Variants in RAPGEF4 observed in about 807,000 individuals in gnomAD.
RAPGEF4 encodes the protein Rap guanine nucleotide exchange factor 4.
In RAPGEF4, 66 loss-of-function variants were observed where a neutral mutation model predicts 147.9. That is an observed-to-expected ratio of 0.45 (90% confidence interval 0.37 to 0.55). RAPGEF4 has a LOEUF of 0.55. Ranked by LOEUF, RAPGEF4 falls within the 20% of genes least tolerant of loss-of-function variation. The pLI is 0.00. For missense variants in RAPGEF4, 1,071 were observed against 1,257.3 expected, an observed-to-expected ratio of 0.85 and a Z score of 2.24; for synonymous variants, 419 against 442.7, an observed-to-expected ratio of 0.95 and a Z score of 0.67.
intron 4 of RAPGEF4, among the ~76,000 whole-genome samples, chr2:172,876,518 T>A (rs192244623): frequency 6.6e-6 from 1 of 152,358 alleles, no homozygotes; most frequent in East Asian, 1.9e-4. Flanking sequence ...ATGTGGTTTT[T>A]GTCTTTGGTT....
At chr2:173,009,734 C>T (rs934523945) in intron 17 of RAPGEF4, among the ~76,000 whole-genome samples, 2 of 152,186 alleles carry the variant, frequency 1.3e-5, no homozygotes, top group African/African-American at 4.8e-5. Flanking sequence ...CCCTGCTTTC[C>T]TAATTGACAG....
At chr2:172,753,706 T>C (rs1310422516) in intron 1 of RAPGEF4, among the ~76,000 whole-genome samples, 1 of 151,230 alleles carries the variant, frequency 6.6e-6, no homozygotes, top group Non-Finnish European at 1.5e-5. Flanking sequence ...AAGGAAAACT[T>C]TTTTTTTTAA....
intron 23 of RAPGEF4, among the ~76,000 whole-genome samples, chr2:173,025,768 A>G (rs573707592): frequency 4.6e-5 from 7 of 152,308 alleles, no homozygotes; most frequent in Admixed American, 4.6e-4. Flanking sequence ...GAACTTTGTA[A>G]TGTGTGTGTT....
intron 4 of RAPGEF4, among the ~76,000 whole-genome samples, chr2:172,819,461 C>T (rs139132115): frequency 2.7e-3 from 237 of 86,894 alleles, no homozygotes; most frequent in Admixed American, 3.4e-3. Flanking sequence ...ATTTTTAGTT[C>T]TTTTTTTTTT....
At chr2:172,890,955 C>T (rs761493855) in intron 4 of RAPGEF4, among the ~76,000 whole-genome samples, 7 of 152,152 alleles carry the variant, frequency 4.6e-5, no homozygotes, top group South Asian at 2.1e-4. Context: ...CATGGCGAAA[C>T]CCCGTCTCTA....
At chr2:173,029,473 G>GT (rs1559197787) in intron 25 of RAPGEF4, among the ~76,000 whole-genome samples, 1 of 152,194 alleles carries the variant, frequency 6.6e-6, no homozygotes, top group African/African-American at 2.4e-5. Context: ...AAGAATTTCT[G>GT]TTTTTTTCCA....
intron 4 of RAPGEF4, among the ~76,000 whole-genome samples, chr2:172,906,557 G>C (rs988902047): frequency 5.3e-5 from 8 of 152,208 alleles, no homozygotes; most frequent in African/African-American, 1.9e-4. Flanking sequence ...CAGGAGGAGG[G>C]GGAAAGCAAG....
At chr2:172,801,328 T>G (rs1371918689) in intron 3 of RAPGEF4, among the ~76,000 whole-genome samples, 6 of 151,878 alleles carry the variant, frequency 4.0e-5, no homozygotes, top group East Asian at 1.9e-4. Flanking sequence ...TGGCACAGAG[T>G]CAAGTCTTTC....
intron 6 of RAPGEF4, among the ~76,000 whole-genome samples, chr2:172,923,695 C>T (rs756912110): frequency 1.3e-5 from 2 of 152,176 alleles, no homozygotes; most frequent in Non-Finnish European, 2.9e-5. Flanking sequence ...GTCTAAACAT[C>T]CTCATCTCTT....
At chr2:173,001,368 G>C in intron 17 of RAPGEF4, 24 bp downstream of exon 17, 1 of 1,613,186 alleles carries the variant, frequency 6.2e-7, no homozygotes, top group Non-Finnish European at 8.5e-7. Flanking sequence ...GTGATTGTAA[G>C]TCCCTATTCC....
At chr2:172,963,838 C>G (rs948058769) in intron 8 of RAPGEF4, among the ~76,000 whole-genome samples, 1 of 152,146 alleles carries the variant, frequency 6.6e-6, no homozygotes, top group Non-Finnish European at 1.5e-5. Flanking sequence ...CATAACCCCC[C>G]AAAATAACTA....
chr2:172,906,190 A>T (rs985999003), intron 4 of RAPGEF4, among the ~76,000 whole-genome samples: 1 of 152,220 alleles, frequency 6.6e-6, no homozygotes, highest in Admixed American at 6.5e-5. Flanking sequence ...CTGTCTAATC[A>T]TGAGGCTTTC....
chr2:172,803,856 A>G (rs1687214182), intron 3 of RAPGEF4, among the ~76,000 whole-genome samples: 1 of 152,222 alleles, frequency 6.6e-6, no homozygotes, highest in African/African-American at 2.4e-5. Flanking sequence ...AAGTTCCACA[A>G]ATCTCTAGGG....
chr2:173,046,974 T>G (rs1359407493), intron 29 of RAPGEF4, among the ~76,000 whole-genome samples: 1 of 152,208 alleles, frequency 6.6e-6, no homozygotes, highest in East Asian at 1.9e-4. Flanking sequence ...TTTCTTATAC[T>G]TTGGCAAGCC....
At chr2:172,943,039 T>C (rs1687326853) in intron 6 of RAPGEF4, among the ~76,000 whole-genome samples, 1 of 152,066 alleles carries the variant, frequency 6.6e-6, no homozygotes, top group Non-Finnish European at 1.5e-5. Flanking sequence ...TACATTTTGG[T>C]GTGGCTTGAA....
At chr2:173,043,425 G>T (rs1351421412) in intron 29 of RAPGEF4, among the ~76,000 whole-genome samples, 1 of 152,204 alleles carries the variant, frequency 6.6e-6, no homozygotes, top group African/African-American at 2.4e-5. Context: ...AGAATAATAG[G>T]CTAAGAGGAA....
intron 17 of RAPGEF4, among the ~76,000 whole-genome samples, chr2:173,005,120 CT>C (rs34276524): frequency 0.6 from 89,984 of 150,102 alleles, 27,130 homozygotes; most frequent in East Asian, 0.89. Context: ...CGGTTTTTTT[CT>C]TTTTTTTTTG....
At chr2:172,888,042 T>G (rs956929440) in intron 4 of RAPGEF4, among the ~76,000 whole-genome samples, 7 of 152,192 alleles carry the variant, frequency 4.6e-5, no homozygotes, top group African/African-American at 1.7e-4. Flanking sequence ...GTTCCATATC[T>G]TTATTTAATT....
At chr2:172,872,566 A>T (rs1461940573) in intron 4 of RAPGEF4, among the ~76,000 whole-genome samples, 2 of 152,042 alleles carry the variant, frequency 1.3e-5, no homozygotes, top group Non-Finnish European at 2.9e-5. Context: ...AGGTGATTGG[A>T]TCATGGGGGC....
Sources: allele counts gnomAD v4.1 joint callset (sites outside exome capture counted in the v4.1 genomes callset), GRCh38; gene constraint gnomAD v4.1.1; transcripts MANE v1.5; gene names NCBI Gene and HGNC (gene_info 2026-07-23, HGNC 2026-07-21).